Variants in CCDC149 observed in about 807,000 individuals in gnomAD.
The protein encoded by CCDC149 is coiled-coil domain-containing protein 149.
CCDC149 carries 45 observed loss-of-function variants against 59.9 expected under a neutral mutation model. The ratio of observed to expected loss-of-function variants is 0.75; its 90% CI spans 0.59 to 0.96. The LOEUF (loss-of-function observed/expected upper bound fraction) is 0.96. Among genes scored for constraint, CCDC149 ranks in the 40% least tolerant of loss-of-function variants. The probability of loss-of-function intolerance (pLI) is 0.00; values close to 1 mark genes in which losing one functional copy is unlikely to be tolerated. For synonymous variants in CCDC149, 245 were observed against 260.6 expected (o/e 0.94, Z 0.58); for missense variants, 584 against 664.7 (o/e 0.88, Z 1.33).
intron 1 of CCDC149, among the ~76,000 whole-genome samples, chr4:24,912,500 G>C (rs933136357): frequency 4.6e-5 from 7 of 152,244 alleles, no homozygotes; most frequent in Admixed American, 4.6e-4. Flanking sequence ...GAGCGGGCAG[G>C]CAGGTGGGGC....
chr4:24,803,872 C>G (rs191330273), downstream of CCDC149, among the ~76,000 whole-genome samples: 2 of 152,268 alleles, frequency 1.3e-5, no homozygotes, highest in East Asian at 1.9e-4. The surrounding 1 kb of genome is among the most constrained non-coding windows in gnomAD (Gnocchi z 4.3). Flanking sequence ...TTTTAAATTG[C>G]CTTCATGCTG....
chr4:24,913,527 AC>A (rs1457645187), upstream of CCDC149, among the ~76,000 whole-genome samples: 1 of 152,350 alleles, frequency 6.6e-6, no homozygotes, highest in African/African-American at 2.4e-5. Context: ...ATATTTTTTA[AC>A]GTATCATTTG....
intron 4 of CCDC149, among the ~76,000 whole-genome samples, chr4:24,850,347 G>A (rs6814740): frequency 2.4e-3 from 359 of 152,314 alleles, no homozygotes; most frequent in African/African-American, 8.1e-3. Context: ...TGCCACGCAA[G>A]TGAGAAGCAG....
chr4:24,824,587 A>T (rs1239819715), intron 9 of CCDC149, among the ~76,000 whole-genome samples: 1 of 152,162 alleles, frequency 6.6e-6, no homozygotes, highest in Non-Finnish European at 1.5e-5. Flanking sequence ...CAGAGAGGTT[A>T]AGCAACTTGC....
intron 4 of CCDC149, among the ~76,000 whole-genome samples, chr4:24,844,865 ATGTGCCATGCCATGCACTATCCTAGG>A (rs904209629): frequency 5.5e-4 from 84 of 152,324 alleles, no homozygotes; most frequent in Non-Finnish European, 1.1e-3. Flanking sequence ...CTTAGCACTA[ATGTGCCATGCCATGCACTATCCTAGG>A]TGCTGATCCC....
At position 24,808,226 on chromosome 4, in the gene CCDC149, C is replaced by T. The variant is rs1378523218; in HGVS notation, c.*163G>A. On this transcript the variant is annotated 3_prime_UTR_variant, in exon 13 of 13. Coordinates refer to ENST00000635206, the MANE Select transcript of CCDC149 (RefSeq NM_001330643.2). ...CATTTAATAAATCAAACTGTACTGG[C>T]ATCATCAGAATATTCACAGTTTGCA... 1.3e-5 allele frequency: 7 copies of T among 551,984 alleles called. No homozygotes were observed. The Admixed American group carries it at 2.6e-4, about 21-fold the overall frequency. The allele number at this position is 551,984 out of a possible 1,614,324, so 34.2% of individuals were successfully genotyped here.
intron 1 of CCDC149, among the ~76,000 whole-genome samples, chr4:24,971,261 G>A (rs1723960740): frequency 1.3e-5 from 2 of 152,180 alleles, no homozygotes; most frequent in South Asian, 4.1e-4. Flanking sequence ...GTAGTGAGTT[G>A]TTGCTCTCTG....
intron 1 of CCDC149, among the ~76,000 whole-genome samples, chr4:24,949,732 C>G (rs879501386): frequency 2.6e-5 from 4 of 152,198 alleles, no homozygotes; most frequent in Non-Finnish European, 1.5e-5. Flanking sequence ...GACTCGGGCT[C>G]TGTCAACCTG....
At chr4:24,932,995 A>T (rs1722637658) in intron 1 of CCDC149, among the ~76,000 whole-genome samples, 1 of 152,222 alleles carries the variant, frequency 6.6e-6, no homozygotes, top group Admixed American at 6.5e-5. Flanking sequence ...AGAGAAAGGC[A>T]TTCCCAATGT....
intron 1 of CCDC149, among the ~76,000 whole-genome samples, chr4:24,943,393 T>C (rs1271742279): frequency 6.6e-6 from 1 of 151,514 alleles, no homozygotes; most frequent in Non-Finnish European, 1.5e-5. Flanking sequence ...ATCCCTTCCT[T>C]ATACCTTATA....
intron 1 of CCDC149, chr4:24,895,105 ATAAG>A (rs1359482075): frequency 2.7e-6 from 3 of 1,091,206 alleles, no homozygotes; most frequent in Non-Finnish European, 4.1e-6. Context: ...CTACTTATGA[ATAAG>A]TAGTGCTGAC....
In CCDC149 at chr4:24,837,264, C is replaced by A. The variant is rs770122005; in HGVS notation, c.626G>T (p.Arg209Leu). ...ACACAGGGCGTCCACGTCAATGATG[C>A]GGTTCTCGTGCCCACTCAGGATATG... Residue 209 changes from arginine to leucine, a missense_variant, in exon 6 of 13, where the codon CGC becomes CTC. Arg to Leu is a moderately radical substitution (Grantham distance 102). Transcript: ENST00000635206. This position sits in a 1 kb window ranked among gnomAD's most constrained non-coding sequence, Gnocchi z 4.3. The A allele has an allele frequency of 5.0e-6, 8 of 1,614,092 alleles. No homozygotes were observed. The highest frequency in any genetic ancestry group is 1.3e-5 in the African/African-American group (1 of 74,934).
intron 9 of CCDC149, chr4:24,828,779 A>AAAAC (rs983672536): frequency 2.6e-5 from 4 of 152,242 alleles, no homozygotes; most frequent in African/African-American, 9.7e-5. Flanking sequence ...AGACCCCGTC[A>AAAAC]AAACAAACAA....
chr4:24,969,280 G>A (rs1226640373), intron 1 of CCDC149, among the ~76,000 whole-genome samples: 2 of 152,216 alleles, frequency 1.3e-5, no homozygotes, highest in African/African-American at 4.8e-5. Context: ...GTATATGCAT[G>A]CGCTAACAGC....
chr4:24,969,143 G>T (rs1035157948), intron 1 of CCDC149, among the ~76,000 whole-genome samples: 30 of 152,240 alleles, frequency 2.0e-4, no homozygotes, highest in African/African-American at 6.8e-4. Flanking sequence ...TGTTAGAAAT[G>T]CCTGGCATGT....
In CCDC149 at chr4:24,837,279, C is replaced by T; in HGVS notation, c.611G>A (p.Ser204Asn). 1.2e-6 allele frequency: 2 copies of T among 1,614,230 alleles called. No homozygotes were observed. Among genetic ancestry groups the T allele is most frequent in the Non-Finnish European group, 1.7e-6 (2 of 1,180,046 alleles). ...GTCAATGATGCGGTTCTCGTGCCCA[C>T]TCAGGATATGGTTCAGCTCCTGGTT... The change falls in exon 6 of 13, where the codon AGT becomes AAT. Residue 204 changes from serine (S) to asparagine (N), a missense_variant. Coordinates refer to ENST00000635206, the MANE Select transcript of CCDC149 (RefSeq NM_001330643.2). This position sits in a 1 kb window ranked among gnomAD's most constrained non-coding sequence, Gnocchi z 4.3.
At position 24,929,671 on chromosome 4, in the gene CCDC149, C is replaced by G. The variant is rs1184530080; in HGVS notation, c.-64-34553G>C. 3.3e-5 allele frequency among the ~76,000 whole-genome samples: 5 copies of G among 152,156 alleles called. No homozygotes were observed. The South Asian group carries it at 1.0e-3, about 32-fold the overall frequency. ...CTCTGACTTTCTGTCCTAAAGACCT[C>G]CTGATTTCCTCCCTCTGTGCCTCTG... On this transcript the variant is annotated intron_variant, in intron 1 of 12. Transcript: ENST00000389609.
intron 1 of CCDC149, among the ~76,000 whole-genome samples, chr4:24,906,364 A>AATTTT (rs1553859579): frequency 0.014 from 597 of 42,024 alleles, 18 homozygotes; most frequent in African/African-American, 0.046. Context: ...CAGCGGAACA[A>AATTTT]ATTTTATTTT....
intron 1 of CCDC149, among the ~76,000 whole-genome samples, chr4:24,909,781 T>C (rs1433135317): frequency 6.6e-6 from 1 of 152,180 alleles, no homozygotes; most frequent in Non-Finnish European, 1.5e-5. Flanking sequence ...TCTCTCTCTT[T>C]GCCTGCTGCC....
Sources: gnomAD v4.1 joint callset for allele counts (sites outside exome capture counted in the v4.1 genomes callset) on GRCh38, gnomAD v4.1.1 for gene constraint, Gnocchi (gnomAD v3.1) non-coding constraint, MANE v1.5 for transcripts, NCBI Gene and HGNC (gene_info 2026-07-23, HGNC 2026-07-21) for gene names.